PJA2: variants seen among roughly 807,000 people sequenced by gnomAD.
PJA2 encodes E3 ubiquitin-protein ligase Praja-2.
In PJA2, 25 loss-of-function variants were observed where a neutral mutation model predicts 69.3. The ratio of observed to expected loss-of-function variants is 0.36; its 90% CI spans 0.26 to 0.50. PJA2 has a LOEUF of 0.50. PJA2 is among the 20% of genes least tolerant of loss of function. The pLI is 0.96. For synonymous variants in PJA2, 308 were observed against 277.8 expected, an observed-to-expected ratio of 1.11 and a Z score of -1.08; for missense variants, 809 against 830.2, an observed-to-expected ratio of 0.97 and a Z score of 0.31.
At chr5:109,345,198 A>C (rs1762153266) in intron 7 of PJA2, among the ~76,000 whole-genome samples, 1 of 151,104 alleles carries the variant, frequency 6.6e-6, no homozygotes, top group Non-Finnish European at 1.5e-5. Flanking sequence ...AAAAAAAAAA[A>C]AAACAAAATT....
Position 109,378,927 on chromosome 5 carries a change from A to G in PJA2, c.560T>C (p.Val187Ala). ...DNDHLQLSAE[V>A]VEGSRYQESL... ...TTCCTGGTATCTACTACCTTCCACG[A>G]CTTCTGCAGAAAGTTGAAGATGGTC... The change falls in exon 4 of 10, where the codon GTC becomes GCC. Residue 187 changes from valine to alanine, a missense_variant. By Grantham distance (64) the Val-to-Ala change is moderately conservative. Transcript: ENST00000361189. 1 of 1,614,110 alleles carries G rather than the reference A, an allele frequency of 6.2e-7. No homozygotes were observed. Among genetic ancestry groups the G allele is most frequent in the South Asian group, 1.1e-5 (1 of 91,070 alleles).
chr5:109,396,606 T>C (rs1747418437), intron 1 of PJA2, among the ~76,000 whole-genome samples: 1 of 151,610 alleles, frequency 6.6e-6, no homozygotes, highest in African/African-American at 2.4e-5. Flanking sequence ...TTTGTATTTT[T>C]AGTAGAGACG....
At chr5:109,400,500 C>T (rs980842563) in intron 1 of PJA2, among the ~76,000 whole-genome samples, 3 of 64,754 alleles carry the variant, frequency 4.6e-5, no homozygotes, top group Non-Finnish European at 9.4e-5. Flanking sequence ...GGGGGAAGGG[C>T]GGGGGGGTGT....
In PJA2 at chr5:109,350,755, C is replaced by T. The variant is rs560934891; in HGVS notation, c.1764+5160G>A. Among the ~76,000 whole-genome samples the T allele has an allele frequency of 3.9e-5, 6 of 152,230 alleles. No individual in the cohort carries two copies. In the South Asian group the frequency reaches 1.2e-3, roughly 32 times the overall value. On this transcript the variant is annotated intron_variant, in intron 7 of 9. Transcript: ENST00000361189. ...ACAGCCAAACTCTTTAACACAAAAGCCCACCTTCTAAACCTCCACATTACA... is the reference window on the plus strand; with the variant it reads ...ACAGCCAAACTCTTTAACACAAAAGTCCACCTTCTAAACCTCCACATTACA...
intron 7 of PJA2, among the ~76,000 whole-genome samples, chr5:109,352,910 A>G (rs1762281119): frequency 6.7e-6 from 1 of 148,574 alleles, no homozygotes; most frequent in African/African-American, 2.5e-5. Context: ...TATATATTAG[A>G]TACCTATAAT....
Position 109,401,177 on chromosome 5 carries a change from G to A in PJA2, c.-88+8665C>T, listed in dbSNP as rs111648887. On this transcript the variant is annotated intron_variant, in intron 1 of 9. Coordinates refer to ENST00000361189, the MANE Select transcript of PJA2 (RefSeq NM_014819.5). Reference sequence around the variant, plus strand: ...CGGGAGCCTGTGATCGCAGATACTTGGGAGACTGAGGCATGAGAATCACTT... The same window carrying A: ...CGGGAGCCTGTGATCGCAGATACTTAGGAGACTGAGGCATGAGAATCACTT... Among the ~76,000 whole-genome samples, 1,152 of 151,796 alleles carry A rather than the reference G, an allele frequency of 7.6e-3. 13 individuals carry two copies. The highest frequency in any genetic ancestry group is 0.026 in the African/African-American group (1,078 of 41,388).
intron 1 of PJA2, among the ~76,000 whole-genome samples, chr5:109,392,558 C>G (rs868665223): frequency 3.3e-5 from 2 of 61,250 alleles, no homozygotes; most frequent in African/African-American, 1.8e-4. Flanking sequence ...AAGACTCCAT[C>G]TCAAAAAAAA....
rs151194170 is a variant in PJA2, at chr5:109,349,035, G to A, written c.1765-4216C>T. Among the ~76,000 whole-genome samples the A allele has an allele frequency of 4.1e-4, 62 of 152,276 alleles. 1 individual carries two copies. In the South Asian group the frequency reaches 0.011, roughly 27 times the overall value. On this transcript the variant is annotated intron_variant, in intron 7 of 9. Coordinates refer to ENST00000361189, the MANE Select transcript of PJA2 (RefSeq NM_014819.5). ...ATGTGTGGAGTAATGCATAACTAGC[G>A]ATGGATACAATGCCTCTTGGAACTA...
At chr5:109,394,093 G>C (rs1747349705) in intron 1 of PJA2, among the ~76,000 whole-genome samples, 1 of 122,294 alleles carries the variant, frequency 8.2e-6, no homozygotes, top group Non-Finnish European at 1.6e-5. Flanking sequence ...TGTTGCCCAA[G>C]CTGGTGTGCA....
chr5:109,370,032 CAAAAAAAAAAAAAA>C (rs1168528650), intron 4 of PJA2, among the ~76,000 whole-genome samples: 4 of 49,096 alleles, frequency 8.1e-5, no homozygotes, highest in African/African-American at 2.9e-4. Flanking sequence ...AACTCCCTCT[CAAAAAAAAAAAAAA>C]AAAAAAAAAG....
intron 5 of PJA2, among the ~76,000 whole-genome samples, chr5:109,367,448 A>G (rs1312604571): frequency 6.6e-6 from 1 of 151,936 alleles, no homozygotes; most frequent in Non-Finnish European, 1.5e-5. Context: ...ATTAGAACCA[A>G]TTATCATAGA....
intron 1 of PJA2, among the ~76,000 whole-genome samples, chr5:109,404,087 A>T (rs1399585260): frequency 6.6e-6 from 1 of 151,946 alleles, no homozygotes; most frequent in Non-Finnish European, 1.5e-5. Context: ...AACAACAACA[A>T]CAACAACAAC....
chr5:109,337,408 C>T (rs914172669), intron 9 of PJA2, 52 bp from the exon 10 acceptor site: 2 of 1,515,358 alleles, frequency 1.3e-6, no homozygotes, highest in African/African-American at 2.9e-5. Flanking sequence ...AACTGCCACA[C>T]AAGTAACTTA....
chr5:109,337,851 G>A (rs987127597), intron 9 of PJA2, among the ~76,000 whole-genome samples: 7 of 151,998 alleles, frequency 4.6e-5, no homozygotes, highest in African/African-American at 1.7e-4. Flanking sequence ...AACGTAGGTC[G>A]ATGGCAAATT....
At chr5:109,337,450 A>G (rs1240948034) in intron 9 of PJA2, 94 bp from the exon 10 acceptor site, 1 of 1,378,588 alleles carries the variant, frequency 7.3e-7, no homozygotes, top group African/African-American at 1.5e-5. Flanking sequence ...TATCCTAATA[A>G]TAAGACTCTT....
Position 109,378,800 on chromosome 5 carries a change from C to G in PJA2, c.687G>C (p.Glu229Asp), listed in dbSNP as rs1244334757. ...ATGGTACAGAATCTAACTCTTCAAA[C>G]TCATCTCTTACTTCACAGTTAAATG... ...VPSFNCEVRD[E>D]FEELDSVPLV... The change falls in exon 4 of 10, where the codon GAG becomes GAC. Residue 229 changes from glutamate (E) to aspartate (D), a missense_variant. Physicochemically the swap from Glu to Asp is conservative, Grantham distance 45. Coordinates refer to ENST00000361189, the MANE Select transcript of PJA2 (RefSeq NM_014819.5). The G allele has an allele frequency of 1.9e-6, 3 of 1,613,100 alleles. No individual in the cohort carries two copies. Among genetic ancestry groups the G allele is most frequent in the Non-Finnish European group, 1.7e-6 (2 of 1,180,022 alleles).
chr5:109,342,221 G>A (rs1269723133), intron 9 of PJA2, among the ~76,000 whole-genome samples: 8 of 57,080 alleles, frequency 1.4e-4, no homozygotes, highest in African/African-American at 5.9e-4. Context: ...CCCCCCGCCC[G>A]GCCAGCCGCC....
intron 5 of PJA2, among the ~76,000 whole-genome samples, chr5:109,363,303 G>GT (rs1215304062): frequency 6.6e-6 from 1 of 152,248 alleles, no homozygotes; most frequent in African/African-American, 2.4e-5. Context: ...TAGGAGAAAC[G>GT]TAAGAAAAAT....
intron 7 of PJA2, among the ~76,000 whole-genome samples, chr5:109,346,855 T>A (rs1762178712): frequency 6.6e-6 from 1 of 152,228 alleles, no homozygotes; most frequent in Non-Finnish European, 1.5e-5. Flanking sequence ...TTTTATATTA[T>A]GTTTATTTTA....
Sources: allele counts gnomAD v4.1 joint callset (sites outside exome capture counted in the v4.1 genomes callset), GRCh38; gene constraint gnomAD v4.1.1; transcripts MANE v1.5; gene names NCBI Gene and HGNC (gene_info 2026-07-23, HGNC 2026-07-21).